Variants in GDF11 observed in about 807,000 individuals in gnomAD.
GDF11 encodes growth differentiation factor 11.
Under a neutral mutation model 34.4 loss-of-function variants are expected in GDF11, and 12 were observed. The observed-to-expected ratio is 0.35, with a 90% CI of 0.22 to 0.57. GDF11 has a LOEUF of 0.57. Among genes scored for constraint, GDF11 ranks in the 20% least tolerant of loss-of-function variants. The probability of loss-of-function intolerance (pLI) is 0.86; values close to 1 mark genes in which losing one functional copy is unlikely to be tolerated. For synonymous variants in GDF11, 212 were observed against 231.1 expected (o/e 0.92, Z 0.75); for missense variants, 346 against 548.2 (o/e 0.63, Z 3.68).
At chr12:55,743,795 C>A in intron 1 of GDF11, 34 bp downstream of exon 1, 1 of 1,468,240 alleles carries the variant, frequency 6.8e-7, no homozygotes, top group East Asian at 2.5e-5. Context: ...CAGTGGGGTG[C>A]TGGCTCTGGC....
In GDF11 at chr12:55,745,563, C is replaced by A. The variant is rs574416390; in HGVS notation, c.445+1802C>A. Among the ~76,000 whole-genome samples, 166 of 132,322 alleles carry A rather than the reference C, an allele frequency of 1.3e-3. 6 individuals are homozygous for A. The highest frequency in any genetic ancestry group is 9.3e-3 in the Admixed American group (107 of 11,498). The allele number at this position is 132,322 out of a possible 152,430, so 86.8% of individuals were successfully genotyped here. Reference sequence around the variant, plus strand: ...CGTCCCCTTTAAGAGCCTAGCTGAGCTCTTAAGAGAGGGAGGGGGAGTGGA... The same window carrying A: ...CGTCCCCTTTAAGAGCCTAGCTGAGATCTTAAGAGAGGGAGGGGGAGTGGA... On this transcript the variant is annotated intron_variant, in intron 1 of 2. Transcript: ENST00000257868.
intron 1 of GDF11, among the ~76,000 whole-genome samples, chr12:55,746,999 C>G (rs545989721): frequency 8.5e-5 from 13 of 152,304 alleles, no homozygotes; most frequent in African/African-American, 3.1e-4. Context: ...GGCACTGAAG[C>G]TACAATGGTG....
rs1878273449 is a variant in GDF11 at position 55,750,055 on chromosome 12, G to A, written c.*173G>A. ...AGGCAGGTGGGAATTGAGGGTGAGGGGTTTGGGGGAAAGGGGAAGCAGGGG... is the reference window on the plus strand; with the variant it reads ...AGGCAGGTGGGAATTGAGGGTGAGGAGTTTGGGGGAAAGGGGAAGCAGGGG... On this transcript the variant is annotated 3_prime_UTR_variant, in exon 3 of 3. Coordinates refer to ENST00000257868, the MANE Select transcript of GDF11 (RefSeq NM_005811.5). 1.6e-6 allele frequency: 1 copy of A among 630,032 alleles called. No individual in the cohort carries two copies. The highest frequency in any genetic ancestry group is 1.8e-5 in the African/African-American group (1 of 54,710). 39.0% of individuals were successfully genotyped at this position (630,032 alleles called of 1,614,324 possible). A position where few individuals can be genotyped will look rare whatever the true frequency, so the allele number is the denominator to read the frequency against.
At chr12:55,745,282 T>G (rs1425583186) in intron 1 of GDF11, among the ~76,000 whole-genome samples, 1 of 152,098 alleles carries the variant, frequency 6.6e-6, no homozygotes, top group East Asian at 1.9e-4. Flanking sequence ...GGATGGGTGA[T>G]GGGGCTGTGG....
In GDF11 at chr12:55,749,890, G is replaced by GA. The variant is rs754933370; in HGVS notation, c.*9dup. 9.2e-5 allele frequency: 147 copies of GA among 1,604,234 alleles called. 3 individuals are homozygous for GA. The South Asian group carries it at 1.6e-3, about 17-fold the overall frequency. ...CGCTGTGGCTGCTCTTAAGGTGGGG[G>GA]ATAGAGGATGCCTCCCCCACAGACC... On this transcript the variant is annotated 3_prime_UTR_variant, in exon 3 of 3. Transcript: ENST00000257868. The surrounding 1 kb of genome is among the most constrained non-coding windows in gnomAD (Gnocchi z 5.6).
rs746534558 is a variant in GDF11 at position 55,749,912 on chromosome 12, G to A, written c.*30G>A. ...GGGGATAGAGGATGCCTCCCCCACAGACCCTACCCCAAGACCCCTAGCCCT... is the reference window on the plus strand; with the variant it reads ...GGGGATAGAGGATGCCTCCCCCACAAACCCTACCCCAAGACCCCTAGCCCT... On this transcript the variant is annotated 3_prime_UTR_variant, in exon 3 of 3. Coordinates refer to ENST00000257868, the MANE Select transcript of GDF11 (RefSeq NM_005811.5). The surrounding 1 kb of genome is among the most constrained non-coding windows in gnomAD (Gnocchi z 5.6). The A allele has an allele frequency of 1.9e-6, 3 of 1,575,870 alleles. No individual in the cohort carries two copies. Among genetic ancestry groups the A allele is most frequent in the Admixed American group, 1.7e-5 (1 of 58,548 alleles).
rs1321852618 is a variant in GDF11, at chr12:55,753,984, T to C, written c.*4102T>C. ...AAAAATAATTAAAGTAAAATAAAAATAAGGAAAGCTCCTGTGACATCAACC... is the reference window on the plus strand; with the variant it reads ...AAAAATAATTAAAGTAAAATAAAAACAAGGAAAGCTCCTGTGACATCAACC... On this transcript the variant is annotated 3_prime_UTR_variant, in exon 3 of 3. Transcript: ENST00000257868. 1.3e-5 allele frequency: 2 copies of C among 151,984 alleles called. No homozygotes were observed. The highest frequency in any genetic ancestry group is 4.8e-5 in the African/African-American group (2 of 41,342). The allele number at this position is 151,984 out of a possible 1,614,324, so 9.4% of individuals were successfully genotyped here. A position where few individuals can be genotyped will look rare whatever the true frequency, so the allele number is the denominator to read the frequency against.
In GDF11 at chr12:55,749,913, ACCCTACCCCAAGAC is replaced by A; in HGVS notation, c.*37_*50del. The A allele has an allele frequency of 6.4e-7, 1 of 1,572,128 alleles. No individual in the cohort carries two copies. The highest frequency in any genetic ancestry group is 8.7e-7 in the Non-Finnish European group (1 of 1,154,280). On this transcript the variant is annotated 3_prime_UTR_variant, in exon 3 of 3. Transcript: ENST00000257868. This position sits in a 1 kb window ranked among gnomAD's most constrained non-coding sequence, Gnocchi z 5.6. ...GGGATAGAGGATGCCTCCCCCACAGACCCTACCCCAAGACCCCTAGCCCTGCCCCCATCCCCCCA... is the reference window on the plus strand; with the variant it reads ...GGGATAGAGGATGCCTCCCCCACAGACCCTAGCCCTGCCCCCATCCCCCCA...
intron 1 of GDF11, among the ~76,000 whole-genome samples, chr12:55,747,421 T>C (rs555483630): frequency 2.6e-5 from 4 of 152,322 alleles, no homozygotes; most frequent in Non-Finnish European, 5.9e-5. Context: ...CAGGACACCC[T>C]AAGTCCATCC....
rs1433975173 is a variant in GDF11, at chr12:55,743,359, G to T, written c.43G>T (p.Ala15Ser). ...APLLLGFLLL[A>S]LELRPRGEAA... is the part of the protein sequence containing the mutation. Reference sequence around the variant, plus strand: ...GCTGCTGCTGGGCTTCCTGCTCCTCGCCCTGGAGCTGCGGCCCCGGGGGGA... The same window carrying T: ...GCTGCTGCTGGGCTTCCTGCTCCTCTCCCTGGAGCTGCGGCCCCGGGGGGA... The change falls in exon 1 of 3, where the codon GCC becomes TCC. Residue 15 changes from alanine to serine, a missense_variant. Ala to Ser is a moderately conservative substitution (Grantham distance 99, BLOSUM62 1). Around this residue, in one of 3 missense-constraint regions of GDF11, gnomAD observed 141 missense variants for 213.8 expected, o/e 0.66. Coordinates refer to ENST00000257868, the MANE Select transcript of GDF11 (RefSeq NM_005811.5). 4 of 984,504 alleles carry T rather than the reference G, an allele frequency of 4.1e-6. No individual in the cohort carries two copies. The Admixed American group carries it at 1.9e-4, about 47-fold the overall frequency. The allele number at this position is 984,504 out of a possible 1,614,324, so 61.0% of individuals were successfully genotyped here.
Position 55,743,451 on chromosome 12 carries a change from G to A in GDF11, c.135G>A (p.Gly45=). The change falls in exon 1 of 3, where the codon GGG becomes GGA. Residue 45 remains glycine (G), a synonymous_variant. Coordinates refer to ENST00000257868, the MANE Select transcript of GDF11 (RefSeq NM_005811.5). ...AAAAAAAGVG[G]ERSSRPAPSV... ...CGGCGGCAGCGGCGGGGGTCGGGGG[G>A]GAGCGCTCCAGCCGGCCAGCCCCGT... 1 of 1,264,832 alleles carries A rather than the reference G, an allele frequency of 7.9e-7. No homozygotes were observed. Among genetic ancestry groups the A allele is most frequent in the South Asian group, 2.4e-5 (1 of 40,820 alleles). The allele number at this position is 1,264,832 out of a possible 1,614,324, so 78.4% of individuals were successfully genotyped here.
rs925460454 is a variant in GDF11 at position 55,751,030 on chromosome 12, T to G, written c.*1148T>G. ...TTAGGAGAGGTCAAGAAAGGAGCAG[T>G]AAGGAGGCTGAAGGTTACAGGGCAT... On this transcript the variant is annotated 3_prime_UTR_variant, in exon 3 of 3. Transcript: ENST00000257868. 1.3e-5 allele frequency: 2 copies of G among 151,920 alleles called. No homozygotes were observed. Among genetic ancestry groups the G allele is most frequent in the Non-Finnish European group, 2.9e-5 (2 of 68,046 alleles). The allele number at this position is 151,920 out of a possible 1,614,324, so 9.4% of individuals were successfully genotyped here.
rs974029000 is a variant in GDF11 at position 55,755,050 on chromosome 12, CAAG to C, written c.*5171_*5173del. 2.6e-5 allele frequency: 4 copies of C among 152,064 alleles called. No individual in the cohort carries two copies. Among genetic ancestry groups the C allele is most frequent in the Admixed American group, 2.6e-4 (4 of 15,256 alleles). The allele number at this position is 152,064 out of a possible 1,614,324, so 9.4% of individuals were successfully genotyped here. ...TTTAAATCCCTTTGGAAGGGAAAAA[CAAG>C]AAAAGTCTAGATATGGCAAGAGAAG... On this transcript the variant is annotated 3_prime_UTR_variant, in exon 3 of 3. Coordinates refer to ENST00000257868, the MANE Select transcript of GDF11 (RefSeq NM_005811.5).
In GDF11 at chr12:55,752,675, T is replaced by A. The variant is rs999618803; in HGVS notation, c.*2793T>A. ...GAGGAGTATGGAGCTGACAGGGGCATTGGAATGCCAGGAAAGAACTTCTTC... is the reference window on the plus strand; with the variant it reads ...GAGGAGTATGGAGCTGACAGGGGCAATGGAATGCCAGGAAAGAACTTCTTC... On this transcript the variant is annotated 3_prime_UTR_variant, in exon 3 of 3. Coordinates refer to ENST00000257868, the MANE Select transcript of GDF11 (RefSeq NM_005811.5). 6 of 152,126 alleles carry A rather than the reference T, an allele frequency of 3.9e-5. No individual in the cohort carries two copies. The highest frequency in any genetic ancestry group is 1.2e-4 in the African/African-American group (5 of 41,400). 9.4% of individuals were successfully genotyped at this position (152,126 alleles called of 1,614,324 possible).
At position 55,748,735 on chromosome 12, in the gene GDF11, CG is replaced by C; in HGVS notation, c.596del (p.Arg199HisfsTer2). On this transcript the variant is annotated frameshift_variant, in exon 2 of 3. Transcript: ENST00000257868. LOFTEE classifies it high-confidence loss of function. The surrounding 1 kb of genome is among the most constrained non-coding windows in gnomAD (Gnocchi z 5.6). The part of the protein sequence containing the change: ...RPATVYLQIL[R>X]LKPLTGEGTA... ...AGCCACAGTCTACCTGCAGATCTTG[CG>C]ACTAAAACCCCTAACTGGGGAAGGG... The C allele has an allele frequency of 6.2e-7, 1 of 1,614,234 alleles. No homozygotes were observed. Among genetic ancestry groups the C allele is most frequent in the Non-Finnish European group, 8.5e-7 (1 of 1,180,046 alleles).
At position 55,748,704 on chromosome 12, in the gene GDF11, C is replaced by A; in HGVS notation, c.564C>A (p.Pro188=). Residue 188 remains proline (P), a synonymous_variant, in exon 2 of 3, where the codon CCC becomes CCA. Coordinates refer to ENST00000257868, the MANE Select transcript of GDF11 (RefSeq NM_005811.5). The surrounding 1 kb of genome is among the most constrained non-coding windows in gnomAD (Gnocchi z 5.6). The part of the protein sequence containing the change: ...AQLWVYLRPV[P]RPATVYLQIL... Reference sequence around the variant, plus strand: ...TGTGGGTGTACCTACGGCCTGTACCCCGCCCAGCCACAGTCTACCTGCAGA... The same window carrying A: ...TGTGGGTGTACCTACGGCCTGTACCACGCCCAGCCACAGTCTACCTGCAGA... 1 of 1,614,248 alleles carries A rather than the reference C, an allele frequency of 6.2e-7. No individual in the cohort carries two copies. The highest frequency in any genetic ancestry group is 8.5e-7 in the Non-Finnish European group (1 of 1,180,044).
chr12:55,743,777 G>T lies in GDF11; in HGVS notation c.445+16G>T. On this transcript the variant is annotated intron_variant, in intron 1 of 2. Transcript: ENST00000257868. ...GCCCAGGAGAGTAAGTGGGCTGCGG[G>T]GCGCGAGCAGTGGGGTGCTGGCTCT... 6.6e-7 allele frequency: 1 copy of T among 1,515,432 alleles called. No homozygotes were observed. The highest frequency in any genetic ancestry group is 1.4e-5 in the African/African-American group (1 of 71,758). The allele number at this position is 1,515,432 out of a possible 1,614,324, so 93.9% of individuals were successfully genotyped here. A position where few individuals can be genotyped will look rare whatever the true frequency, so the allele number is the denominator to read the frequency against.
In GDF11 at chr12:55,752,749, G is replaced by A. The variant is rs927951460; in HGVS notation, c.*2867G>A. The A allele has an allele frequency of 2.6e-5, 4 of 152,144 alleles. No homozygotes were observed. The highest frequency in any genetic ancestry group is 4.4e-5 in the Non-Finnish European group (3 of 68,038). The allele number at this position is 152,144 out of a possible 1,614,324, so 9.4% of individuals were successfully genotyped here. On this transcript the variant is annotated 3_prime_UTR_variant, in exon 3 of 3. Coordinates refer to ENST00000257868, the MANE Select transcript of GDF11 (RefSeq NM_005811.5). ...GGGAACCACTGCAAAAAGGCCATCA[G>A]GCAGTTTTCAAGTTATGTGACAGAG...
At position 55,751,200 on chromosome 12, in the gene GDF11, T is replaced by A. The variant is rs1878310642; in HGVS notation, c.*1318T>A. 6.6e-6 allele frequency: 1 copy of A among 152,142 alleles called. No homozygotes were observed. The highest frequency in any genetic ancestry group is 1.9e-4 in the East Asian group (1 of 5,192). 9.4% of individuals were successfully genotyped at this position (152,142 alleles called of 1,614,324 possible). On this transcript the variant is annotated 3_prime_UTR_variant, in exon 3 of 3. Transcript: ENST00000257868. ...ACAAGGAAGCAGAGTGTATAATTAT[T>A]TTTTCCTTTTATTTTTGGAATCTAA...
Sources: allele counts gnomAD v4.1 joint callset (sites outside exome capture counted in the v4.1 genomes callset), GRCh38; gene constraint gnomAD v4.1.1; regional missense constraint gnomAD v4.1.1; non-coding constraint Gnocchi (gnomAD v3.1); transcripts MANE v1.5; gene names NCBI Gene and HGNC (gene_info 2026-07-23, HGNC 2026-07-21).